The following KLHL29 variants were observed in gnomAD, a reference collection of about 807,000 sequenced individuals.
KLHL29 encodes the protein kelch-like protein 29.
In KLHL29, 21 loss-of-function variants were observed where a neutral mutation model predicts 80.4. The observed-to-expected ratio is 0.26, with a 90% confidence interval of 0.19 to 0.38. The LOEUF (loss-of-function observed/expected upper bound fraction) is 0.38, where lower values mean the gene tolerates loss of function less well. KLHL29 is among the 10% of genes least tolerant of loss of function. The pLI is 1.00. For missense variants in KLHL29, 867 were observed against 1,223.9 expected, an observed-to-expected ratio of 0.71 and a Z score of 4.35; for synonymous variants, 511 against 526.8, an observed-to-expected ratio of 0.97 and a Z score of 0.41.
In KLHL29 at chr2:23,700,720, G is replaced by A. The variant is rs905122071; in HGVS notation, c.2106-2466G>A. ...TCTTCCAAAAGAAGTCTACACCCAC[G>A]GTCTCCACTGACACAAATGGGTTCT... On this transcript the variant is annotated intron_variant, in intron 11 of 13. Coordinates refer to ENST00000486442, the MANE Select transcript of KLHL29 (RefSeq NM_052920.2). This position sits in a 1 kb window ranked among gnomAD's most constrained non-coding sequence, Gnocchi z 4.6. 3.3e-5 allele frequency among the ~76,000 whole-genome samples: 5 copies of A among 151,972 alleles called. No homozygotes were observed. The highest frequency in any genetic ancestry group is 4.2e-4 in the South Asian group (2 of 4,802).
intron 2 of KLHL29, among the ~76,000 whole-genome samples, chr2:23,534,933 A>G (rs762437465): frequency 1.3e-5 from 2 of 152,162 alleles, no homozygotes; most frequent in African/African-American, 4.8e-5. Flanking sequence ...ACTGGCCCTA[A>G]AAGCAGCTGC....
intron 5 of KLHL29, among the ~76,000 whole-genome samples, chr2:23,660,804 T>G (rs1044006508): frequency 6.6e-6 from 1 of 152,072 alleles, no homozygotes; most frequent in Non-Finnish European, 1.5e-5. Context: ...GGTGGGTGGA[T>G]CACCTGAGAT....
At chr2:23,694,162 G>T (rs1421648708) in intron 8 of KLHL29, among the ~76,000 whole-genome samples, 1 of 152,196 alleles carries the variant, frequency 6.6e-6, no homozygotes, top group Non-Finnish European at 1.5e-5. Context: ...GTGGCCTTCT[G>T]GGCCTCTCCA....
At chr2:23,567,448 A>G (rs1299196393) in intron 3 of KLHL29, among the ~76,000 whole-genome samples, 1 of 152,190 alleles carries the variant, frequency 6.6e-6, no homozygotes, top group African/African-American at 2.4e-5. Context: ...GGGCTATGAA[A>G]TCTGCAGGCT....
Position 23,393,455 on chromosome 2 carries a change from C to G in KLHL29, c.-154+7675C>G, listed in dbSNP as rs188882213. ...GGTCTGTCTGGCGCTTCTGAGCATC[C>G]GTGCCGTCTGTCCTCTCTCAGGGGC... On this transcript the variant is annotated intron_variant, in intron 1 of 13. Coordinates refer to ENST00000486442, the MANE Select transcript of KLHL29 (RefSeq NM_052920.2). 1.7e-4 allele frequency among the ~76,000 whole-genome samples: 26 copies of G among 152,278 alleles called. No individual in the cohort carries two copies. In the East Asian group the frequency reaches 4.4e-3, roughly 26 times the overall value.
chr2:23,612,927 A>C (rs1265694350), intron 3 of KLHL29, among the ~76,000 whole-genome samples: 1 of 152,242 alleles, frequency 6.6e-6, no homozygotes, highest in East Asian at 1.9e-4. Flanking sequence ...AAAATCTCTT[A>C]TGAAACAACA....
chr2:23,405,957 A>G (rs1044438453), intron 1 of KLHL29, among the ~76,000 whole-genome samples: 4 of 152,244 alleles, frequency 2.6e-5, no homozygotes. Context: ...GTTAATGTGG[A>G]ACAGGTTTTG....
chr2:23,638,972 C>T (rs1337518280), intron 3 of KLHL29, among the ~76,000 whole-genome samples, 167 bp from the exon 4 acceptor site: 1 of 152,192 alleles, frequency 6.6e-6, no homozygotes, highest in African/African-American at 2.4e-5. Context: ...GCAATTCCCA[C>T]CAAAGACTGG....
chr2:23,502,508 T>A (rs573774825), intron 2 of KLHL29, among the ~76,000 whole-genome samples: 93 of 152,352 alleles, frequency 6.1e-4, no homozygotes, highest in African/African-American at 2.2e-3. Flanking sequence ...GGAGGACACT[T>A]GCACAGGGCC....
intron 2 of KLHL29, among the ~76,000 whole-genome samples, chr2:23,551,996 C>T (rs1165982983): frequency 6.6e-6 from 1 of 152,264 alleles, no homozygotes; most frequent in Non-Finnish European, 1.5e-5. Flanking sequence ...GACTGCTTAA[C>T]ACCAGCAGGA....
chr2:23,477,634 G>C (rs374792860), intron 2 of KLHL29, among the ~76,000 whole-genome samples: 1 of 152,366 alleles, frequency 6.6e-6, no homozygotes, highest in South Asian at 2.1e-4. Context: ...ACTGGTGGGC[G>C]ACAGCTGTCC....
At chr2:23,701,997 A>G (rs1275603590) in intron 11 of KLHL29, among the ~76,000 whole-genome samples, 1 of 135,202 alleles carries the variant, frequency 7.4e-6, no homozygotes, top group African/African-American at 2.8e-5. Context: ...TTTTTTTTGT[A>G]TTTTTAGTAG....
intron 2 of KLHL29, among the ~76,000 whole-genome samples, chr2:23,550,676 A>C (rs1438919024): frequency 1.3e-5 from 2 of 152,134 alleles, no homozygotes; most frequent in African/African-American, 4.8e-5. Flanking sequence ...TTTTGAATAG[A>C]CTCTTGTCTA....
chr2:23,405,170 A>G lies in KLHL29; in HGVS notation c.-154+19390A>G, dbSNP rs150010962. ...ATAATTAGGCATACTTCTCTCATGCATAACAAATATTCTAATTTTGTTCAA... is the reference window on the plus strand; with the variant it reads ...ATAATTAGGCATACTTCTCTCATGCGTAACAAATATTCTAATTTTGTTCAA... On this transcript the variant is annotated intron_variant, in intron 1 of 13. Transcript: ENST00000486442. 2.3e-3 allele frequency among the ~76,000 whole-genome samples: 346 copies of G among 152,362 alleles called. 2 individuals are homozygous for G. The highest frequency in any genetic ancestry group is 8.1e-3 in the African/African-American group (335 of 41,588).
chr2:23,417,428 T>C (rs1342142045), intron 1 of KLHL29, among the ~76,000 whole-genome samples: 2 of 152,194 alleles, frequency 1.3e-5, no homozygotes, highest in Non-Finnish European at 2.9e-5. Flanking sequence ...ACAATTCACA[T>C]ACTCCTTGGC....
chr2:23,524,790 T>C (rs1666247540), intron 2 of KLHL29, among the ~76,000 whole-genome samples: 1 of 152,222 alleles, frequency 6.6e-6, no homozygotes. Context: ...ACACATTTGG[T>C]ATGAAAACAT....
In KLHL29 at chr2:23,691,667, T is replaced by G. The variant is rs1265048584; in HGVS notation, c.1080-7T>G. Reference sequence around the variant, plus strand: ...GGAGGTAAGGACACCCTGGTCTCTGTGCCTAGGTCCGTGCAAGACAGCGGC... The same window carrying G: ...GGAGGTAAGGACACCCTGGTCTCTGGGCCTAGGTCCGTGCAAGACAGCGGC... On this transcript the variant is annotated splice_region_variant and splice_polypyrimidine_tract_variant and intron_variant, in intron 6 of 13. Transcript: ENST00000486442. The G allele has an allele frequency of 1.3e-6, 2 of 1,551,416 alleles. No individual in the cohort carries two copies. The highest frequency in any genetic ancestry group is 2.4e-5 in the East Asian group (1 of 40,932).
At chr2:23,613,057 A>C (rs144690431) in intron 3 of KLHL29, among the ~76,000 whole-genome samples, 1 of 152,338 alleles carries the variant, frequency 6.6e-6, no homozygotes, top group Non-Finnish European at 1.5e-5. Context: ...AAGTATCAAT[A>C]TTACACTTCA....
intron 3 of KLHL29, among the ~76,000 whole-genome samples, chr2:23,589,543 A>C (rs1287176318): frequency 6.6e-6 from 1 of 152,234 alleles, no homozygotes; most frequent in African/African-American, 2.4e-5. Context: ...AGTCATTTGC[A>C]GGTTGCCTTT....
Sources: gnomAD v4.1 joint callset for allele counts (sites outside exome capture counted in the v4.1 genomes callset) on GRCh38, gnomAD v4.1.1 for gene constraint, Gnocchi (gnomAD v3.1) non-coding constraint, MANE v1.5 for transcripts, NCBI Gene and HGNC (gene_info 2026-07-23, HGNC 2026-07-21) for gene names.